The following PPARG variants were observed in gnomAD, a reference collection of about 807,000 sequenced individuals.
PPARG encodes peroxisome proliferator activated receptor gamma.
PPARG carries 17 observed loss-of-function variants against 39.2 expected under a neutral mutation model. That is an observed-to-expected ratio of 0.43 (90% CI 0.30 to 0.65). The LOEUF (loss-of-function observed/expected upper bound fraction) is 0.65, where lower values mean the gene tolerates loss of function less well. PPARG is among the 30% of genes least tolerant of loss of function. The pLI is 0.13. For missense variants in PPARG, 406 were observed against 585.9 expected (o/e 0.69, Z 3.17); for synonymous variants, 223 against 215.7 (o/e 1.03, Z -0.30).
chr3:12,290,869 A>G (rs1023571258), intron 1 of PPARG, among the ~76,000 whole-genome samples: 2 of 152,208 alleles, frequency 1.3e-5, no homozygotes, highest in African/African-American at 4.8e-5. Flanking sequence ...AGAGGCTTTC[A>G]TGAAGTAGGA....
intron 6 of PPARG, among the ~76,000 whole-genome samples, chr3:12,413,816 C>CA (rs10575755): frequency 0.066 from 4,003 of 60,688 alleles, 147 homozygotes; most frequent in Admixed American, 0.18. Context: ...AACTCCATCT[C>CA]AAAAAAAAAA....
At chr3:12,328,942 A>G (rs1368581508) in intron 2 of PPARG, among the ~76,000 whole-genome samples, 1 of 152,162 alleles carries the variant, frequency 6.6e-6, no homozygotes, top group Non-Finnish European at 1.5e-5. Flanking sequence ...AGCACCTCCA[A>G]GACTGTCTCC....
intron 6 of PPARG, among the ~76,000 whole-genome samples, chr3:12,409,763 A>G (rs1018376239): frequency 6.6e-6 from 1 of 152,180 alleles, no homozygotes; most frequent in African/African-American, 2.4e-5. Flanking sequence ...GGAAAAGGAA[A>G]TGACTTGATT....
At chr3:12,403,732 C>T (rs1040272714) in intron 5 of PPARG, among the ~76,000 whole-genome samples, 3 of 152,050 alleles carry the variant, frequency 2.0e-5, no homozygotes, top group Admixed American at 6.6e-5. Flanking sequence ...GTGGAACCTG[C>T]GGGTATGGAG....
At chr3:12,327,543 G>A (rs75635444) in intron 2 of PPARG, among the ~76,000 whole-genome samples, 1,824 of 152,230 alleles carry the variant, frequency 0.012, 31 homozygotes, top group African/African-American at 0.04. Context: ...AGAATGAGAA[G>A]CCCAAACCAA....
chr3:12,398,445 C>A (rs576288037), intron 5 of PPARG, among the ~76,000 whole-genome samples: 25 of 152,234 alleles, frequency 1.6e-4, no homozygotes, highest in Non-Finnish European at 3.2e-4. Context: ...ATTTTAAATT[C>A]AGTTTTATAT....
chr3:12,291,292 T>C (rs1451114233), intron 1 of PPARG, among the ~76,000 whole-genome samples: 1 of 152,198 alleles, frequency 6.6e-6, no homozygotes, highest in Non-Finnish European at 1.5e-5. Context: ...GCAGTGATTT[T>C]AATTGCTTAC....
chr3:12,401,228 A>G (rs1182462194), intron 5 of PPARG, among the ~76,000 whole-genome samples: 2 of 152,210 alleles, frequency 1.3e-5, no homozygotes, highest in Non-Finnish European at 2.9e-5. Context: ...GAAGGGTAGA[A>G]CCTAAGGCTC....
At chr3:12,354,372 A>G (rs74653529) in intron 2 of PPARG, among the ~76,000 whole-genome samples, 1,985 of 152,300 alleles carry the variant, frequency 0.013, 37 homozygotes, top group African/African-American at 0.046. Flanking sequence ...TTGTGCAAGT[A>G]GATCTAAAGC....
At chr3:12,356,741 A>G (rs1008690086) in intron 2 of PPARG, among the ~76,000 whole-genome samples, 1 of 152,202 alleles carries the variant, frequency 6.6e-6, no homozygotes. Flanking sequence ...TAATCCAGGC[A>G]TATTTTATAT....
chr3:12,293,782 T>C (rs1472505774), intron 1 of PPARG, among the ~76,000 whole-genome samples: 1 of 152,226 alleles, frequency 6.6e-6, no homozygotes, highest in Non-Finnish European at 1.5e-5. Context: ...GTTTAAGGAA[T>C]AAATTTTCCT....
chr3:12,417,117 C>G lies in PPARG; in HGVS notation c.1143C>G (p.Asp381Glu), dbSNP rs1231461827. Residue 381 changes from aspartate to glutamate, a missense_variant, in exon 7 of 8, where the codon GAC becomes GAG. Asp to Glu is a conservative substitution (Grantham distance 45, BLOSUM62 2). This residue lies in a region of PPARG where 275 missense variants were observed against 458.0 expected (regional missense o/e 0.60). Transcript: ENST00000651735. ...KFNALELDDSDLAIFIAVIIL... is the reference protein window; with the variant it reads ...KFNALELDDSELAIFIAVIIL... ...ATGCACTGGAATTAGATGACAGCGA[C>G]TTGGCAATATTTATTGCTGTCATTA... is the stretch of plus-strand genomic sequence containing the variant. The G allele has an allele frequency of 6.2e-7, 1 of 1,614,022 alleles. No individual in the cohort carries two copies. The highest frequency in any genetic ancestry group is 1.7e-5 in the Admixed American group (1 of 60,010).
chr3:12,426,838 A>G (rs1482718011), intron 7 of PPARG, among the ~76,000 whole-genome samples: 1 of 152,224 alleles, frequency 6.6e-6, no homozygotes, highest in East Asian at 1.9e-4. Context: ...ACTGAAGTAT[A>G]GAAAGGTTAA....
chr3:12,427,898 C>G (rs896384446), intron 7 of PPARG, among the ~76,000 whole-genome samples: 5 of 152,202 alleles, frequency 3.3e-5, no homozygotes, highest in Admixed American at 1.3e-4. Context: ...CCTGCAATCA[C>G]ATTTGTTTTG....
chr3:12,290,192 T>C (rs1320377375), intron 1 of PPARG, among the ~76,000 whole-genome samples: 2 of 152,068 alleles, frequency 1.3e-5, no homozygotes, highest in African/African-American at 2.4e-5. Context: ...TGGTTTTTTT[T>C]AAAATCAAAA....
chr3:12,344,445 C>T (rs1054017966), intron 2 of PPARG, among the ~76,000 whole-genome samples: 1 of 151,852 alleles, frequency 6.6e-6, no homozygotes, highest in Non-Finnish European at 1.5e-5. Flanking sequence ...ATGAATCTTA[C>T]CGGAAAATAA....
At chr3:12,425,713 A>AG (rs1408291368) in intron 7 of PPARG, among the ~76,000 whole-genome samples, 1 of 152,046 alleles carries the variant, frequency 6.6e-6, no homozygotes, top group Non-Finnish European at 1.5e-5. Context: ...ACTAGGCTTA[A>AG]GGGGGGACTG....
At position 12,364,426 on chromosome 3, in the gene PPARG, G is replaced by C. The variant is rs553096757; in HGVS notation, c.-8-15278G>C. ...AGAACTGAGTAATATTTCATTGTTT[G>C]GATGAGCCATAGTTTATCCACTCAG... On this transcript the variant is annotated intron_variant, in intron 2 of 7. Transcript: ENST00000651735. Among the ~76,000 whole-genome samples, 35 of 152,218 alleles carry C rather than the reference G, an allele frequency of 2.3e-4. 1 individual carries two copies. The highest frequency in any genetic ancestry group is 8.4e-4 in the African/African-American group (35 of 41,530).
chr3:12,408,649 T>C (rs999301237), intron 6 of PPARG, among the ~76,000 whole-genome samples: 2 of 150,364 alleles, frequency 1.3e-5, no homozygotes, highest in Admixed American at 6.6e-5. Context: ...AGGCTGGCCT[T>C]GAACTCGGGG....
Sources: gnomAD v4.1 joint callset for allele counts (sites outside exome capture counted in the v4.1 genomes callset) on GRCh38, gnomAD v4.1.1 for gene constraint, gnomAD v4.1.1 regional missense constraint, MANE v1.5 for transcripts, NCBI Gene and HGNC (gene_info 2026-07-23, HGNC 2026-07-21) for gene names.